FBXO47: variants seen among roughly 807,000 people sequenced by gnomAD.
FBXO47 encodes the protein F-box only protein 47.
In FBXO47, 34 loss-of-function variants were observed where a neutral mutation model predicts 53.9. The observed-to-expected ratio is 0.63, with a 90% confidence interval of 0.48 to 0.84. The LOEUF is 0.84. Ranked by LOEUF, FBXO47 falls within the 40% of genes least tolerant of loss-of-function variation. FBXO47 has a pLI of 0.00. For synonymous variants in FBXO47, 165 were observed against 181.6 expected (o/e 0.91, Z 0.73); for missense variants, 485 against 541.3 (o/e 0.90, Z 1.03).
chr17:38,962,068 G>A, intron 2 of FBXO47, 21 bp from the exon 3 acceptor site: 2 of 1,595,528 alleles, frequency 1.3e-6, no homozygotes, highest in Non-Finnish European at 1.7e-6. Flanking sequence ...AAATATATAT[G>A]TGTATGTATC....
intron 4 of FBXO47, among the ~76,000 whole-genome samples, chr17:38,955,887 G>A (rs1426666946): frequency 2.7e-5 from 4 of 150,722 alleles, no homozygotes; most frequent in Non-Finnish European, 4.4e-5. Context: ...GAATCTGGGA[G>A]GCGGAGGTTA....
rs1378968000 is a variant in FBXO47 at position 38,944,982 on chromosome 17, A to G, written c.771T>C (p.Phe257=). 1.9e-6 allele frequency: 3 copies of G among 1,613,970 alleles called. No homozygotes were observed. The highest frequency in any genetic ancestry group is 1.7e-6 in the Non-Finnish European group (2 of 1,179,962). The change falls in exon 7 of 11, where the codon TTT becomes TTC. Residue 257 remains phenylalanine (F), a synonymous_variant. Transcript: ENST00000378079. ...CACCATCTTGAGGAGATATTGGCCCAAAGATGATATACAGTAATCTTGCCT... is the reference window on the plus strand; with the variant it reads ...CACCATCTTGAGGAGATATTGGCCCGAAGATGATATACAGTAATCTTGCCT... The part of the protein sequence containing the change: ...VNQARLLYII[F]GPISPQDGQV...
intron 5 of FBXO47, 112 bp downstream of exon 5, chr17:38,954,744 C>A: frequency 1.8e-6 from 1 of 558,256 alleles, no homozygotes; most frequent in South Asian, 3.6e-5. Context: ...TTTTATTTTG[C>A]TCTTTTTAAG....
chr17:38,948,366 C>T (rs1905045139), intron 6 of FBXO47, among the ~76,000 whole-genome samples: 2 of 151,876 alleles, frequency 1.3e-5, no homozygotes, highest in South Asian at 2.1e-4. Context: ...GTGCTCCTCA[C>T]CACGCCTGGC....
Position 38,945,045 on chromosome 17 carries a change from C to T in FBXO47, c.708G>A (p.Trp236Ter), listed in dbSNP as rs778991942. 3 of 1,613,942 alleles carry T rather than the reference C, an allele frequency of 1.9e-6. No homozygotes were observed. Among genetic ancestry groups the T allele is most frequent in the Non-Finnish European group, 2.5e-6 (3 of 1,179,934 alleles). Residue 236 changes from tryptophan to a stop codon, truncating the protein, a stop_gained, in exon 7 of 11, where the codon TGG becomes TGA. Coordinates refer to ENST00000378079, the MANE Select transcript of FBXO47 (RefSeq NM_001008777.3). LOFTEE classifies it high-confidence loss of function. Reference protein sequence around the residue: ...HWTHRSDSAFWLTRILKPWPM... With the variant: ...HWTHRSDSAF ...GCCATGGTTTTAATATTCGCGTCAA[C>T]CAAAAAGCAGAATCACTTCGATGTG...
chr17:38,956,145 A>C (rs1286715989), intron 4 of FBXO47, among the ~76,000 whole-genome samples: 3 of 151,808 alleles, frequency 2.0e-5, no homozygotes, highest in Non-Finnish European at 2.9e-5. Context: ...CAAAAAAAAA[A>C]AAAAGTTTTA....
chr17:38,937,403 C>G (rs190483769), intron 10 of FBXO47, 113 bp from the exon 11 acceptor site: 158 of 375,352 alleles, frequency 4.2e-4, no homozygotes, highest in African/African-American at 2.9e-3. Flanking sequence ...GTTGCTTAGG[C>G]TGGAATGCAG....
intron 1 of FBXO47, among the ~76,000 whole-genome samples, chr17:38,965,664 G>C (rs1199715700): frequency 1.4e-5 from 2 of 143,242 alleles, no homozygotes; most frequent in East Asian, 2.1e-4. Context: ...ACGAGGTCAG[G>C]AGATCGAGAC....
At chr17:38,947,216 C>T (rs1048643448) in intron 6 of FBXO47, among the ~76,000 whole-genome samples, 5 of 150,878 alleles carry the variant, frequency 3.3e-5, no homozygotes, top group African/African-American at 9.7e-5. Flanking sequence ...AGGAGAATCA[C>T]TTGAACCCTG....
intron 3 of FBXO47, among the ~76,000 whole-genome samples, chr17:38,957,866 G>A (rs945908229): frequency 6.6e-6 from 1 of 151,738 alleles, no homozygotes; most frequent in Non-Finnish European, 1.5e-5. Context: ...ACAGAGTCTC[G>A]TTCTGTTGCC....
intron 1 of FBXO47, among the ~76,000 whole-genome samples, chr17:38,966,830 A>T (rs1297943129): frequency 2.6e-5 from 4 of 152,162 alleles, no homozygotes; most frequent in African/African-American, 9.7e-5. Context: ...ATCCTAAATT[A>T]TTTCTGGTTT....
intron 9 of FBXO47, among the ~76,000 whole-genome samples, chr17:38,942,474 G>A (rs773674395): frequency 6.6e-6 from 1 of 152,016 alleles, no homozygotes; most frequent in African/African-American, 2.4e-5. Context: ...CATGCCTTTA[G>A]TCCCAGCTAC....
chr17:38,962,080 A>G, intron 2 of FBXO47, 33 bp from the exon 3 acceptor site: 1 of 1,547,924 alleles, frequency 6.5e-7, no homozygotes, highest in Non-Finnish European at 8.8e-7. Flanking sequence ...GTATGTATCA[A>G]TGGCTTAAAT....
chr17:38,966,222 G>C (rs1293011879), intron 1 of FBXO47, among the ~76,000 whole-genome samples: 1 of 152,002 alleles, frequency 6.6e-6, no homozygotes, highest in East Asian at 1.9e-4. Context: ...GTTTGTTTGC[G>C]ATGGAGTTTC....
Position 38,961,885 on chromosome 17 carries a change from C to G in FBXO47, c.344G>C (p.Arg115Thr), listed in dbSNP as rs755658854. 1.6e-5 allele frequency: 25 copies of G among 1,612,582 alleles called. 1 individual carries two copies. The highest frequency in any genetic ancestry group is 8.5e-7 in the Non-Finnish European group (1 of 1,179,640). The change falls in exon 3 of 11, where the codon AGA (arginine) becomes ACA (threonine). Residue 115 changes from arginine to threonine, a missense_variant. Arg to Thr is a moderately conservative substitution (Grantham distance 71, BLOSUM62 -1). Coordinates refer to ENST00000378079, the MANE Select transcript of FBXO47 (RefSeq NM_001008777.3). ...CTCATTACATAAGTTACCTAGAGAT[C>G]TGTAGTGCTCCAGTATAGCAGAGTC... ...RQDSAILEHYRSLGLLFKRCT... is the reference protein window; with the variant it reads ...RQDSAILEHYTSLGLLFKRCT...
chr17:38,947,581 T>G (rs997123483), intron 6 of FBXO47, among the ~76,000 whole-genome samples: 1 of 152,110 alleles, frequency 6.6e-6, no homozygotes, highest in Admixed American at 6.6e-5. Flanking sequence ...GTGTTGAGAT[T>G]ACAAAGCATG....
intron 10 of FBXO47, among the ~76,000 whole-genome samples, chr17:38,937,967 CT>C (rs1165375779): frequency 3.3e-5 from 5 of 152,226 alleles, no homozygotes; most frequent in Non-Finnish European, 7.3e-5. Context: ...CTCGCCCAGC[CT>C]TCCCTAGTAA....
At chr17:38,952,205 A>G (rs1347819501) in intron 5 of FBXO47, among the ~76,000 whole-genome samples, 1 of 152,042 alleles carries the variant, frequency 6.6e-6, no homozygotes, top group African/African-American at 2.4e-5. Flanking sequence ...ACGCACATGT[A>G]GTCCCAGCTA....
intron 3 of FBXO47, among the ~76,000 whole-genome samples, chr17:38,958,508 G>A (rs1905666209): frequency 1.3e-5 from 2 of 150,952 alleles, no homozygotes; most frequent in Non-Finnish European, 2.9e-5. Flanking sequence ...TCAGTGAGAT[G>A]TGTAACTTGA....
Sources: gnomAD v4.1 joint callset for allele counts (sites outside exome capture counted in the v4.1 genomes callset) on GRCh38, gnomAD v4.1.1 for gene constraint, MANE v1.5 for transcripts, NCBI Gene and HGNC (gene_info 2026-07-23, HGNC 2026-07-21) for gene names.